The following FHIT variants were observed in gnomAD, a reference collection of about 807,000 sequenced individuals.
The protein encoded by FHIT is fragile histidine triad diadenosine triphosphatase, also known as bis(5'-adenosyl)-triphosphatase.
A neutral mutation model predicts 17.9 loss-of-function variants in FHIT; 19 were observed. That is an observed-to-expected ratio of 1.06 (90% CI 0.74 to 1.56). The LOEUF (loss-of-function observed/expected upper bound fraction) is 1.56, where lower values mean the gene tolerates loss of function less well. FHIT is among the 40% of genes most tolerant of loss of function. The pLI is 0.00. For missense variants in FHIT, 248 were observed against 189.2 expected, an observed-to-expected ratio of 1.31 and a Z score of -1.82; for synonymous variants, 81 against 69.7, an observed-to-expected ratio of 1.16 and a Z score of -0.81.
At chr3:60,243,383 G>A (rs907048999) in intron 5 of FHIT, among the ~76,000 whole-genome samples, 56 of 152,048 alleles carry the variant, frequency 3.7e-4, no homozygotes, top group African/African-American at 1.4e-3. Flanking sequence ...CACTCAATTG[G>A]TTTCTTCAGA....
chr3:60,509,484 CATAATCTTA>C (rs1388611733), intron 5 of FHIT, among the ~76,000 whole-genome samples: 1 of 152,198 alleles, frequency 6.6e-6, no homozygotes, highest in Non-Finnish European at 1.5e-5. Flanking sequence ...AATCCACATT[CATAATCTTA>C]ATAAATTCAT....
At chr3:60,953,124 G>A (rs1230355346) in intron 3 of FHIT, among the ~76,000 whole-genome samples, 1 of 152,094 alleles carries the variant, frequency 6.6e-6, no homozygotes, top group Non-Finnish European at 1.5e-5. Context: ...GAACAAGTGG[G>A]GGCATGTTTT....
intron 5 of FHIT, among the ~76,000 whole-genome samples, chr3:60,251,261 G>A (rs972147700): frequency 6.6e-6 from 1 of 152,158 alleles, no homozygotes; most frequent in Non-Finnish European, 1.5e-5. Flanking sequence ...CCCAAAAGAA[G>A]CTGTAACAGA....
intron 3 of FHIT, among the ~76,000 whole-genome samples, chr3:60,958,008 T>C (rs1221349666): frequency 6.6e-6 from 1 of 152,246 alleles, no homozygotes. Flanking sequence ...TTAGACTAGA[T>C]TCCTCCTTAT....
At chr3:59,810,193 G>C (rs1165498257) in intron 8 of FHIT, among the ~76,000 whole-genome samples, 1 of 152,106 alleles carries the variant, frequency 6.6e-6, no homozygotes, top group Non-Finnish European at 1.5e-5. Context: ...ATTTGTGTGA[G>C]GAGGAGTACT....
intron 4 of FHIT, among the ~76,000 whole-genome samples, chr3:60,550,295 T>C (rs2107622239): frequency 6.6e-6 from 1 of 151,574 alleles, no homozygotes; most frequent in African/African-American, 2.4e-5. Flanking sequence ...CAGGCGTATG[T>C]CAAAATTCCA....
At chr3:60,432,586 C>T (rs1702958021) in intron 5 of FHIT, among the ~76,000 whole-genome samples, 1 of 152,052 alleles carries the variant, frequency 6.6e-6, no homozygotes, top group Non-Finnish European at 1.5e-5. Flanking sequence ...AAGCAAGAGA[C>T]TACTAGCATG....
chr3:59,969,882 C>G (rs192124961), intron 7 of FHIT, among the ~76,000 whole-genome samples: 1 of 152,064 alleles, frequency 6.6e-6, no homozygotes, highest in Admixed American at 6.6e-5. Context: ...AGGAAAGGAT[C>G]GTTGAAGTTA....
Position 61,249,991 on chromosome 3 carries a change from A to C in FHIT, c.-213+1310T>G, listed in dbSNP as rs188408843. On this transcript the variant is annotated intron_variant, in intron 1 of 9. Transcript: ENST00000492590. ...ACACACACACACACACACACACACA[A>C]ACCCTAGACTTCTTTCTTTACTAAA... Among the ~76,000 whole-genome samples, 448 of 100,440 alleles carry C rather than the reference A, an allele frequency of 4.5e-3. 4 individuals are homozygous for C. The highest frequency in any genetic ancestry group is 0.011 in the African/African-American group (258 of 23,620). The allele number at this position is 100,440 out of a possible 152,430, so 65.9% of individuals were successfully genotyped here. A position where few individuals can be genotyped will look rare whatever the true frequency, so the allele number is the denominator to read the frequency against.
intron 5 of FHIT, among the ~76,000 whole-genome samples, chr3:60,230,199 G>A (rs765947204): frequency 6.6e-6 from 1 of 152,186 alleles, no homozygotes; most frequent in Non-Finnish European, 1.5e-5. Context: ...GCCACTGGCT[G>A]CCATAATGAA....
intron 9 of FHIT, 54 bp downstream of exon 9, chr3:59,752,167 C>G (rs1700944697): frequency 7.7e-7 from 1 of 1,294,234 alleles, no homozygotes; most frequent in East Asian, 2.4e-5. Context: ...AGAGTGCAGC[C>G]TCTTTCCTGA....
intron 5 of FHIT, among the ~76,000 whole-genome samples, chr3:60,518,949 G>A (rs941430173): frequency 3.3e-5 from 5 of 152,234 alleles, no homozygotes; most frequent in African/African-American, 1.2e-4. Context: ...GTTGCAGTGA[G>A]CACCGAGGTG....
chr3:59,787,200 A>G (rs1030555328), intron 8 of FHIT, among the ~76,000 whole-genome samples: 1 of 152,194 alleles, frequency 6.6e-6, no homozygotes, highest in Admixed American at 6.5e-5. Flanking sequence ...CATGCTCAAT[A>G]TCTCCCAGAT....
chr3:60,361,718 C>T (rs1699913351), intron 5 of FHIT, among the ~76,000 whole-genome samples: 1 of 152,126 alleles, frequency 6.6e-6, no homozygotes, highest in Admixed American at 6.6e-5. Flanking sequence ...ACAGATTTTA[C>T]CCCTCAATGA....
At chr3:59,979,867 G>T (rs367688387) in intron 7 of FHIT, among the ~76,000 whole-genome samples, 4 of 152,128 alleles carry the variant, frequency 2.6e-5, no homozygotes, top group East Asian at 3.9e-4. Context: ...ATTAAATTCA[G>T]CACTTTCTTA....
chr3:61,196,077 G>A (rs538029042), intron 2 of FHIT, among the ~76,000 whole-genome samples: 18 of 152,288 alleles, frequency 1.2e-4, no homozygotes, highest in African/African-American at 4.3e-4. Flanking sequence ...GTGGGGACCA[G>A]AAGTGGTAAG....
At chr3:60,072,756 C>T (rs777450696) in intron 5 of FHIT, among the ~76,000 whole-genome samples, 1 of 152,208 alleles carries the variant, frequency 6.6e-6, no homozygotes, top group South Asian at 2.1e-4. Flanking sequence ...ATCTTCTGTA[C>T]TATTCTCTAT....
At chr3:60,258,101 C>CACA (rs58869957) in intron 5 of FHIT, among the ~76,000 whole-genome samples, 1 of 87,638 alleles carries the variant, frequency 1.1e-5, no homozygotes, top group African/African-American at 3.0e-5. Context: ...CACACACACA[C>CACA]CTCTGCAGAT....
chr3:60,271,692 T>TA (rs1259242746), intron 5 of FHIT, among the ~76,000 whole-genome samples: 1 of 152,154 alleles, frequency 6.6e-6, no homozygotes, highest in Non-Finnish European at 1.5e-5. Context: ...ATCACTGTCA[T>TA]AAAAAAGTCC....
Sources: gnomAD v4.1 joint callset for allele counts (sites outside exome capture counted in the v4.1 genomes callset) on GRCh38, gnomAD v4.1.1 for gene constraint, MANE v1.5 for transcripts, NCBI Gene and HGNC (gene_info 2026-07-23, HGNC 2026-07-21) for gene names.